Variants in DYNC1I1 observed in about 807,000 individuals in gnomAD.
DYNC1I1 encodes the protein cytoplasmic dynein 1 intermediate chain 1.
A neutral mutation model predicts 86.6 loss-of-function variants in DYNC1I1; 43 were observed. The ratio of observed to expected loss-of-function variants is 0.50; its 90% CI spans 0.39 to 0.64. The LOEUF is 0.64. Among genes scored for constraint, DYNC1I1 ranks in the 30% least tolerant of loss-of-function variants. The pLI is 0.00. For synonymous variants in DYNC1I1, 262 were observed against 283.7 expected (o/e 0.92, Z 0.77); for missense variants, 604 against 788.8 (o/e 0.77, Z 2.81).
chr7:95,853,660 T>C (rs572339836), intron 5 of DYNC1I1, among the ~76,000 whole-genome samples: 7 of 152,348 alleles, frequency 4.6e-5, no homozygotes, highest in African/African-American at 1.7e-4. Flanking sequence ...GTTCTGTTTA[T>C]GTCTGCTAGG....
chr7:95,813,288 C>A lies in DYNC1I1; in HGVS notation c.265C>A (p.Pro89Thr), dbSNP rs1319877361. 6.2e-7 allele frequency: 1 copy of A among 1,612,572 alleles called. No homozygotes were observed. Among genetic ancestry groups the A allele is most frequent in the East Asian group, 2.2e-5 (1 of 44,842 alleles). Residue 89 changes from proline (P) to threonine (T), a missense_variant, in exon 4 of 17, where the codon CCC becomes ACC. Transcript: ENST00000447467. ...MSPSSKSVST[P>T]SEAGSQDSGD... ...TCCCTCCTCGAAATCAGTGAGCACT[C>A]CCAGTGAAGCTGGAAGCCAAGACTC...
At chr7:95,968,829 T>C in intron 6 of DYNC1I1, among the ~76,000 whole-genome samples, 1 of 59,982 alleles carries the variant, frequency 1.7e-5, no homozygotes, top group African/African-American at 1.2e-4. Context: ...TTGCTCTGTG[T>C]GTGTGTGTGT....
intron 16 of DYNC1I1, chr7:96,109,875 T>G: frequency 5.0e-6 from 1 of 199,592 alleles, no homozygotes; most frequent in Non-Finnish European, 1.0e-5. Flanking sequence ...TAGGGTGGAG[T>G]GTTCTAAAAA....
At chr7:95,876,092 A>G (rs1241408809) in intron 6 of DYNC1I1, among the ~76,000 whole-genome samples, 1 of 150,898 alleles carries the variant, frequency 6.6e-6, no homozygotes, top group African/African-American at 2.4e-5. Context: ...GGTGAATAAG[A>G]TCTATTGCAT....
chr7:96,077,350 A>T (rs187026208), intron 15 of DYNC1I1, among the ~76,000 whole-genome samples: 10 of 151,794 alleles, frequency 6.6e-5, no homozygotes, highest in Admixed American at 6.6e-4. Context: ...TACACCTATA[A>T]TTGCTGCCAA....
intron 14 of DYNC1I1, among the ~76,000 whole-genome samples, chr7:96,073,747 G>A (rs75938160): frequency 0.012 from 1,872 of 152,222 alleles, 20 homozygotes; most frequent in Non-Finnish European, 0.02. Context: ...AACAAATAGT[G>A]GGCTGGCTAG....
chr7:95,889,655 C>A (rs1324257261), intron 6 of DYNC1I1, among the ~76,000 whole-genome samples: 2 of 152,074 alleles, frequency 1.3e-5, no homozygotes, highest in Admixed American at 6.6e-5. Flanking sequence ...AAACAGAAAA[C>A]CTACAGAATG....
intron 5 of DYNC1I1, among the ~76,000 whole-genome samples, chr7:95,852,665 C>G (rs1343270188): frequency 1.3e-5 from 2 of 152,082 alleles, no homozygotes; most frequent in South Asian, 2.1e-4. Context: ...CGCCACCACA[C>G]CCAGCTGATT....
At chr7:95,808,227 A>G (rs1056490590) in intron 2 of DYNC1I1, among the ~76,000 whole-genome samples, 1 of 152,142 alleles carries the variant, frequency 6.6e-6, no homozygotes, top group African/African-American at 2.4e-5. Context: ...CTTGATTTTT[A>G]TAAACTTTCT....
chr7:95,879,027 A>G (rs1325930610), intron 6 of DYNC1I1, among the ~76,000 whole-genome samples: 3 of 152,116 alleles, frequency 2.0e-5, no homozygotes, highest in Non-Finnish European at 4.4e-5. Flanking sequence ...GTAAAGTAAA[A>G]ACATTCACAG....
intron 14 of DYNC1I1, among the ~76,000 whole-genome samples, chr7:96,050,617 G>A (rs1389773748): frequency 6.6e-6 from 1 of 151,932 alleles, no homozygotes; most frequent in Non-Finnish European, 1.5e-5. Context: ...TTTCCCATTC[G>A]GTTTATCTTG....
intron 6 of DYNC1I1, among the ~76,000 whole-genome samples, chr7:95,933,928 T>C (rs1414164413): frequency 6.6e-6 from 1 of 152,092 alleles, no homozygotes; most frequent in Non-Finnish European, 1.5e-5. Context: ...ATTCATAAAT[T>C]CAGTCTGGGA....
At chr7:96,035,996 C>T (rs564547445) in intron 13 of DYNC1I1, among the ~76,000 whole-genome samples, 3 of 152,274 alleles carry the variant, frequency 2.0e-5, no homozygotes, top group South Asian at 2.1e-4. Flanking sequence ...CATAACAGAC[C>T]ACTTGCACCT....
intron 5 of DYNC1I1, among the ~76,000 whole-genome samples, chr7:95,837,299 C>T (rs1279233033): frequency 4.5e-4 from 68 of 152,042 alleles, no homozygotes; most frequent in African/African-American, 1.5e-3. Flanking sequence ...GGGTCAGGGA[C>T]CCACTTGAGG....
intron 6 of DYNC1I1, among the ~76,000 whole-genome samples, chr7:95,896,860 C>G (rs557787097): frequency 1.9e-4 from 29 of 152,300 alleles, no homozygotes; most frequent in African/African-American, 4.1e-4. Context: ...AAAATTTATT[C>G]TGTATCCAAC....
intron 14 of DYNC1I1, among the ~76,000 whole-genome samples, chr7:96,048,278 T>G (rs1284985391): frequency 6.6e-6 from 1 of 152,204 alleles, no homozygotes; most frequent in Non-Finnish European, 1.5e-5. Context: ...AAAATTGCCA[T>G]TGTGGAATCT....
intron 4 of DYNC1I1, among the ~76,000 whole-genome samples, chr7:95,820,327 T>C (rs1473070899): frequency 6.6e-6 from 1 of 152,242 alleles, no homozygotes; most frequent in African/African-American, 2.4e-5. Context: ...CTTTAATGAA[T>C]GTGACAGATG....
At chr7:95,882,975 C>T (rs540661870) in intron 6 of DYNC1I1, among the ~76,000 whole-genome samples, 57 of 152,238 alleles carry the variant, frequency 3.7e-4, no homozygotes, top group African/African-American at 1.3e-3. Flanking sequence ...CTGTGGTCTC[C>T]TCTTTTTTCA....
chr7:95,885,085 A>G (rs1790558768), intron 6 of DYNC1I1, among the ~76,000 whole-genome samples: 1 of 152,178 alleles, frequency 6.6e-6, no homozygotes, highest in Non-Finnish European at 1.5e-5. Flanking sequence ...AAATTAACAA[A>G]TATCTTTTCA....
Sources: allele counts gnomAD v4.1 joint callset (sites outside exome capture counted in the v4.1 genomes callset), GRCh38; gene constraint gnomAD v4.1.1; transcripts MANE v1.5; gene names NCBI Gene and HGNC (gene_info 2026-07-23, HGNC 2026-07-21).